The following ENTREP2 variants were observed in gnomAD, a reference collection of about 807,000 sequenced individuals.
ENTREP2 encodes the protein protein ENTREP2.
the ENTREP2 span, among the ~76,000 whole-genome samples, chr15:29,257,927 C>T: frequency 1.3e-5 from 2 of 152,046 alleles, no homozygotes; most frequent in African/African-American, 4.8e-5. Flanking sequence ...AAAGGGCCAA[C>T]TTTGCTGGGC....
chr15:29,649,134 G>A, the ENTREP2 span, among the ~76,000 whole-genome samples: 32 of 151,876 alleles, frequency 2.1e-4, no homozygotes, highest in African/African-American at 6.8e-4. Flanking sequence ...GTGATGCTAT[G>A]GGACTGAAGG....
chr15:29,231,956 C>A, the ENTREP2 span, among the ~76,000 whole-genome samples: 1 of 142,266 alleles, frequency 7.0e-6, no homozygotes, highest in Non-Finnish European at 1.5e-5. Flanking sequence ...GTGGCGCAAT[C>A]TTGGCTCACA....
the ENTREP2 span, among the ~76,000 whole-genome samples, chr15:29,158,970 G>C: frequency 2.0e-5 from 3 of 152,200 alleles, no homozygotes; most frequent in South Asian, 2.1e-4. Flanking sequence ...ACAGAGAAAA[G>C]CGACAGCAAT....
chr15:29,634,290 T>C, the ENTREP2 span, among the ~76,000 whole-genome samples: 1 of 152,042 alleles, frequency 6.6e-6, no homozygotes, highest in Non-Finnish European at 1.5e-5. Flanking sequence ...CTGTCACCCT[T>C]TGGTGCTGGC....
At chr15:29,645,606 G>A in the ENTREP2 span, among the ~76,000 whole-genome samples, 1 of 151,998 alleles carries the variant, frequency 6.6e-6, no homozygotes, top group Non-Finnish European at 1.5e-5. Context: ...CACCCAGGCT[G>A]CAGTGCAGTG....
chr15:29,167,543 A>G, the ENTREP2 span, among the ~76,000 whole-genome samples: 12 of 152,218 alleles, frequency 7.9e-5, no homozygotes, highest in Non-Finnish European at 1.6e-4. Context: ...AGATATACAA[A>G]TGGCCAACAA....
At chr15:29,282,131 A>T in the ENTREP2 span, among the ~76,000 whole-genome samples, 1 of 152,150 alleles carries the variant, frequency 6.6e-6, no homozygotes, top group Admixed American at 6.5e-5. Context: ...TCCCACCCAA[A>T]TCTCATCTTA....
At chr15:29,494,593 C>T in the ENTREP2 span, among the ~76,000 whole-genome samples, 4 of 152,160 alleles carry the variant, frequency 2.6e-5, no homozygotes, top group African/African-American at 7.2e-5. Context: ...TTAGTTATAG[C>T]CACATTAGGT....
the ENTREP2 span, among the ~76,000 whole-genome samples, chr15:29,156,288 G>A: frequency 1.3e-5 from 2 of 151,974 alleles, no homozygotes; most frequent in East Asian, 3.9e-4. Context: ...AGGTTCAAGC[G>A]ATTCTCCTGC....
the ENTREP2 span, among the ~76,000 whole-genome samples, chr15:29,500,514 G>A: frequency 2.0e-5 from 3 of 152,112 alleles, no homozygotes; most frequent in South Asian, 6.2e-4. Context: ...GAATTTACAA[G>A]AGAACTTAGA....
chr15:29,372,089 T>A, the ENTREP2 span, among the ~76,000 whole-genome samples: 2 of 152,112 alleles, frequency 1.3e-5, no homozygotes. Flanking sequence ...TACACATAAT[T>A]TTTCCAGAAA....
chr15:29,639,042 T>C, the ENTREP2 span, among the ~76,000 whole-genome samples: 1 of 152,228 alleles, frequency 6.6e-6, no homozygotes, highest in East Asian at 1.9e-4. Flanking sequence ...GTGTGAGACT[T>C]TGTTGGGATG....
chr15:29,322,659 T>C, the ENTREP2 span, among the ~76,000 whole-genome samples: 2 of 152,352 alleles, frequency 1.3e-5, no homozygotes, highest in Admixed American at 6.5e-5. Context: ...GTTTACTTTA[T>C]CTTGTGTAAA....
At chr15:29,244,728 C>T in the ENTREP2 span, among the ~76,000 whole-genome samples, 2 of 152,198 alleles carry the variant, frequency 1.3e-5, no homozygotes, top group African/African-American at 4.8e-5. Flanking sequence ...GCAGTGAACA[C>T]CGCATGTGGG....
At chr15:29,601,641 A>G in the ENTREP2 span, among the ~76,000 whole-genome samples, 2 of 151,730 alleles carry the variant, frequency 1.3e-5, no homozygotes, top group East Asian at 3.9e-4. Context: ...TTCTTCTATA[A>G]CTCCATTTAC....
At chr15:29,163,000 C>G in the ENTREP2 span, among the ~76,000 whole-genome samples, 1,398 of 152,284 alleles carry the variant, frequency 9.2e-3, 19 homozygotes, top group African/African-American at 0.031. Flanking sequence ...GTGCAGACAA[C>G]CCTCAGAACC....
chr15:29,669,814 T>G, the ENTREP2 span, among the ~76,000 whole-genome samples: 1 of 152,198 alleles, frequency 6.6e-6, no homozygotes, highest in African/African-American at 2.4e-5. Flanking sequence ...ACATGCTCAT[T>G]TCAATGATCC....
chr15:29,382,167 C>A, the ENTREP2 span, among the ~76,000 whole-genome samples: 1 of 151,564 alleles, frequency 6.6e-6, no homozygotes, highest in Non-Finnish European at 1.5e-5. Flanking sequence ...GAGGCTGAGG[C>A]ACGAGAATCA....
chr15:29,516,504 C>T, the ENTREP2 span, among the ~76,000 whole-genome samples: 1 of 152,028 alleles, frequency 6.6e-6, no homozygotes, highest in Non-Finnish European at 1.5e-5. Flanking sequence ...TACCTGTTGA[C>T]TATAAACACA....
Sources: allele counts gnomAD v4.1 joint callset (sites outside exome capture counted in the v4.1 genomes callset), GRCh38; gene constraint gnomAD v4.1.1; transcripts MANE v1.5; gene names NCBI Gene and HGNC (gene_info 2026-07-23, HGNC 2026-07-21).